MX2: variants seen among roughly 807,000 people sequenced by gnomAD.
MX2 encodes the protein interferon-induced GTP-binding protein Mx2.
MX2 carries 51 observed loss-of-function variants against 74.0 expected under a neutral mutation model. The ratio of observed to expected loss-of-function variants is 0.69; its 90% CI spans 0.55 to 0.87. The LOEUF is 0.87. Among genes scored for constraint, MX2 ranks in the 40% least tolerant of loss-of-function variants. The pLI is 0.00. For synonymous variants in MX2, 369 were observed against 339.3 expected, an observed-to-expected ratio of 1.09 and a Z score of -0.96; for missense variants, 832 against 908.7, an observed-to-expected ratio of 0.92 and a Z score of 1.09.
Position 41,377,863 on chromosome 21 carries a change from G to A in MX2, c.324G>A (p.Arg108=). The change falls in exon 3 of 14, where the codon CGG becomes CGA. Residue 108 remains arginine, a synonymous_variant. Transcript: ENST00000330714. ...GCATTGACCTCATCGACTCCCTGCGGGCTCTGGGTGTGGAGCAGGACCTGG... is the reference window on the plus strand; with the variant it reads ...GCATTGACCTCATCGACTCCCTGCGAGCTCTGGGTGTGGAGCAGGACCTGG... ...RPCIDLIDSL[R]ALGVEQDLAL... The A allele has an allele frequency of 6.2e-7, 1 of 1,614,234 alleles. No individual in the cohort carries two copies. Among genetic ancestry groups the A allele is most frequent in the Non-Finnish European group, 8.5e-7 (1 of 1,180,046 alleles).
At chr21:41,375,426 C>T (rs1177662015) in intron 1 of MX2, among the ~76,000 whole-genome samples, 1 of 152,250 alleles carries the variant, frequency 6.6e-6, no homozygotes. Context: ...TCTCTCACAG[C>T]CCTGGAGGCT....
chr21:41,402,455 G>T lies in MX2; in HGVS notation c.1573+327G>T, dbSNP rs1009486747. Among the ~76,000 whole-genome samples the T allele has an allele frequency of 2.0e-5, 3 of 152,170 alleles. No individual in the cohort carries two copies. Among genetic ancestry groups the T allele is most frequent in the Non-Finnish European group, 4.4e-5 (3 of 68,030 alleles). The stretch of plus-strand genomic sequence containing the variant: ...GGGGAAGATGGTTTCTCTTGTCTTT[G>T]GGGGGCAGGCAGAGGGTGCACATGC... On this transcript the variant is annotated intron_variant, in intron 11 of 13. Transcript: ENST00000330714. The surrounding 1 kb of genome is among the most constrained non-coding windows in gnomAD (Gnocchi z 4.5).
intron 3 of MX2, among the ~76,000 whole-genome samples, chr21:41,378,494 T>C (rs2089444914): frequency 1.3e-5 from 2 of 152,220 alleles, no homozygotes; most frequent in Admixed American, 6.5e-5. Context: ...AAGCATTTCT[T>C]TGATAAGTTG....
chr21:41,390,875 T>G (rs1004348037), intron 6 of MX2, among the ~76,000 whole-genome samples, 172 bp downstream of exon 6: 3 of 152,140 alleles, frequency 2.0e-5, no homozygotes, highest in South Asian at 2.1e-4. Flanking sequence ...GCATGGTGGC[T>G]GGTGCCTGTA....
rs1017347632 is a variant in MX2 at position 41,388,424 on chromosome 21, G to T, written c.733-2141G>T. 5.3e-5 allele frequency among the ~76,000 whole-genome samples: 8 copies of T among 152,158 alleles called. No individual in the cohort carries two copies. The highest frequency in any genetic ancestry group is 1.2e-4 in the Non-Finnish European group (8 of 68,024). ...CGGTGCTCTGCCCGCATGGCTCTCC[G>T]CAGAGGGCATCCTTCATTCCTCGCG... is the stretch of plus-strand genomic sequence containing the variant. On this transcript the variant is annotated intron_variant, in intron 5 of 13. Coordinates refer to ENST00000330714, the MANE Select transcript of MX2 (RefSeq NM_002463.2). The surrounding 1 kb of genome is among the most constrained non-coding windows in gnomAD (Gnocchi z 4.0).
chr21:41,392,358 C>T (rs1269743605), intron 6 of MX2, among the ~76,000 whole-genome samples: 1 of 152,170 alleles, frequency 6.6e-6, no homozygotes, highest in Non-Finnish European at 1.5e-5. Flanking sequence ...TTCTGAAGCA[C>T]ACAACAACAT....
chr21:41,365,223 GTTTGT>G, intron 1 of MX2: 1 of 152,116 alleles, frequency 6.6e-6, no homozygotes, highest in East Asian at 1.9e-4. Context: ...TTGTTTGTTT[GTTTGT>G]TTGTTTAACT....
At chr21:41,384,157 C>G (rs534799229) in intron 5 of MX2, among the ~76,000 whole-genome samples, 1 of 152,212 alleles carries the variant, frequency 6.6e-6, no homozygotes, top group Non-Finnish European at 1.5e-5. Context: ...GGCCCTCCCC[C>G]ATGATTGTAA....
At chr21:41,394,751 G>A (rs1382953711) in intron 6 of MX2, among the ~76,000 whole-genome samples, 1 of 152,030 alleles carries the variant, frequency 6.6e-6, no homozygotes, top group Non-Finnish European at 1.5e-5. Context: ...GACCAGCCTG[G>A]CCAACATGGT....
chr21:41,390,861 T>C (rs1344678347), intron 6 of MX2, among the ~76,000 whole-genome samples, 158 bp downstream of exon 6: 2 of 151,960 alleles, frequency 1.3e-5, no homozygotes, highest in Non-Finnish European at 2.9e-5. Flanking sequence ...AAAAAATTAG[T>C]CGGGCATGGT....
In MX2 at chr21:41,376,819, C is replaced by G; in HGVS notation, c.-71-17C>G. On this transcript the variant is annotated splice_polypyrimidine_tract_variant and intron_variant, in intron 1 of 13. Transcript: ENST00000330714. ...TCTGGTGACCTGTGGGCCGCTCTCCCTCTTGTGTCTTTGCAGAGCTTGTCA... is the reference window on the plus strand; with the variant it reads ...TCTGGTGACCTGTGGGCCGCTCTCCGTCTTGTGTCTTTGCAGAGCTTGTCA... The G allele has an allele frequency of 6.4e-7, 1 of 1,566,396 alleles. No homozygotes were observed. The highest frequency in any genetic ancestry group is 8.7e-7 in the Non-Finnish European group (1 of 1,155,856).
Position 41,368,745 on chromosome 21 carries a change from T to C in MX2, c.-72+6690T>C, listed in dbSNP as rs2089290043. On this transcript the variant is annotated intron_variant, in intron 1 of 13. Transcript: ENST00000330714. The surrounding 1 kb of genome is among the most constrained non-coding windows in gnomAD (Gnocchi z 4.6). ...AGGAACCCTCCTTTCCCTTGTTCTT[T>C]CTTCCCATGGAGAGGAAGAAGTTGA... 1.3e-5 allele frequency among the ~76,000 whole-genome samples: 2 copies of C among 152,246 alleles called. No individual in the cohort carries two copies. The highest frequency in any genetic ancestry group is 4.8e-5 in the African/African-American group (2 of 41,464).
chr21:41,390,436 T>C (rs7280369), intron 5 of MX2, 129 bp from the exon 6 acceptor site: 79,035 of 1,374,662 alleles, frequency 0.057, 5,095 homozygotes, highest in African/African-American at 0.29. Flanking sequence ...GGGCTCGGCC[T>C]AGCAAAGCCC....
chr21:41,394,652 G>T (rs186297587), intron 6 of MX2, among the ~76,000 whole-genome samples: 2 of 152,124 alleles, frequency 1.3e-5, no homozygotes, highest in Non-Finnish European at 2.9e-5. Flanking sequence ...ACAAAATAGC[G>T]GAAGATAAGG....
intron 8 of MX2, 73 bp from the exon 9 acceptor site, chr21:41,398,824 A>G (rs1180380459): frequency 6.4e-7 from 1 of 1,567,472 alleles, no homozygotes; most frequent in East Asian, 2.3e-5. Context: ...AAGGGCTCCT[A>G]CTCATATACC....
In MX2 at chr21:41,402,170, A is replaced by T; in HGVS notation, c.1573+42A>T. On this transcript the variant is annotated intron_variant, in intron 11 of 13. Coordinates refer to ENST00000330714, the MANE Select transcript of MX2 (RefSeq NM_002463.2). The surrounding 1 kb of genome is among the most constrained non-coding windows in gnomAD (Gnocchi z 4.5). ...AGGACTCCCAAACCATCACTCTCAT[A>T]CCTTCCATAGACCCCAGTGCCTTGG... The T allele has an allele frequency of 6.3e-7, 1 of 1,585,718 alleles. No individual in the cohort carries two copies. The highest frequency in any genetic ancestry group is 8.6e-7 in the Non-Finnish European group (1 of 1,166,580).
chr21:41,365,054 A>C (rs2089252470), intron 1 of MX2: 1 of 152,228 alleles, frequency 6.6e-6, no homozygotes, highest in Non-Finnish European at 1.5e-5. Context: ...CACACCCCTC[A>C]AATGTATATG....
intron 3 of MX2, among the ~76,000 whole-genome samples, chr21:41,378,493 TTTGATAAG>T (rs1403807506): frequency 6.6e-6 from 1 of 152,218 alleles, no homozygotes; most frequent in African/African-American, 2.4e-5. Context: ...GAAGCATTTC[TTTGATAAG>T]TTGATAAGTT....
intron 10 of MX2, 80 bp from the exon 11 acceptor site, chr21:41,401,890 G>T: frequency 6.7e-7 from 1 of 1,497,188 alleles, no homozygotes; most frequent in Non-Finnish European, 9.1e-7. Context: ...TGGGGAGCAA[G>T]ACTTTATAAA....
Sources: gnomAD v4.1 joint callset for allele counts (sites outside exome capture counted in the v4.1 genomes callset) on GRCh38, gnomAD v4.1.1 for gene constraint, Gnocchi (gnomAD v3.1) non-coding constraint, MANE v1.5 for transcripts, NCBI Gene and HGNC (gene_info 2026-07-23, HGNC 2026-07-21) for gene names.